The following TXNDC16 variants were observed in gnomAD, a reference collection of about 807,000 sequenced individuals.
TXNDC16 encodes the protein thioredoxin domain containing 16.
TXNDC16 carries 74 observed loss-of-function variants against 85.6 expected under a neutral mutation model. That is an observed-to-expected ratio of 0.86 (90% CI 0.72 to 1.05). The LOEUF (loss-of-function observed/expected upper bound fraction) is 1.05, where lower values mean the gene tolerates loss of function less well. TXNDC16 is among the 50% of genes least tolerant of loss of function. The pLI is 0.00. For synonymous variants in TXNDC16, 335 were observed against 326.5 expected, an observed-to-expected ratio of 1.03 and a Z score of -0.28; for missense variants, 959 against 947.0, an observed-to-expected ratio of 1.01 and a Z score of -0.17.
chr14:52,530,959 ACT>A (rs890493705), intron 6 of TXNDC16, among the ~76,000 whole-genome samples: 13 of 152,070 alleles, frequency 8.5e-5, no homozygotes, highest in African/African-American at 2.9e-4. Flanking sequence ...CTGATGAAGC[ACT>A]GTTACCCAAA....
Position 52,543,611 on chromosome 14 carries a change from T to C in TXNDC16, c.-54A>G. The stretch of plus-strand genomic sequence containing the variant: ...TTTGTCTGTTTTTTCACTGCTGTGT[T>C]CTGTTTCCTAAGACAACACCTGGCA... On this transcript the variant is annotated 5_prime_UTR_variant, in exon 3 of 21. Transcript: ENST00000281741. 2 of 1,594,182 alleles carry C rather than the reference T, an allele frequency of 1.3e-6. No homozygotes were observed. Among genetic ancestry groups the C allele is most frequent in the South Asian group, 1.1e-5 (1 of 87,022 alleles).
intron 1 of TXNDC16, among the ~76,000 whole-genome samples, chr14:52,550,716 C>T (rs1186233966): frequency 6.6e-6 from 1 of 152,174 alleles, no homozygotes; most frequent in Non-Finnish European, 1.5e-5. Flanking sequence ...ATGTGCACCT[C>T]AATGATTATG....
chr14:52,493,543 T>C (rs2036462065), intron 9 of TXNDC16, among the ~76,000 whole-genome samples: 1 of 151,812 alleles, frequency 6.6e-6, no homozygotes, highest in Non-Finnish European at 1.5e-5. Flanking sequence ...AGATGGAAGA[T>C]AGAGAAAAAA....
At position 52,491,021 on chromosome 14, in the gene TXNDC16, A is replaced by G. The variant is rs765814370; in HGVS notation, c.757-16T>C. The G allele has an allele frequency of 1.0e-5, 16 of 1,567,258 alleles. No individual in the cohort carries two copies. The highest frequency in any genetic ancestry group is 1.3e-5 in the Non-Finnish European group (15 of 1,165,380). On this transcript the variant is annotated splice_polypyrimidine_tract_variant and intron_variant, in intron 9 of 20. Transcript: ENST00000281741. ...CAACTTCAGTCTTCATTGAAAAAAAAAAAAAAAAAAGGTGTGATAACAATA... is the reference window on the plus strand; with the variant it reads ...CAACTTCAGTCTTCATTGAAAAAAAGAAAAAAAAAAGGTGTGATAACAATA...
intron 12 of TXNDC16, 25 bp from the exon 13 acceptor site, chr14:52,482,990 T>A: frequency 6.3e-7 from 1 of 1,575,044 alleles, no homozygotes; most frequent in East Asian, 2.2e-5. Flanking sequence ...AAGAAATTAA[T>A]TTAAATATTG....
intron 9 of TXNDC16, among the ~76,000 whole-genome samples, chr14:52,505,451 T>G (rs1395921469): frequency 3.3e-5 from 5 of 152,196 alleles, no homozygotes; most frequent in African/African-American, 1.2e-4. Flanking sequence ...CTGAACAACC[T>G]GCTGCTGAAG....
At chr14:52,522,867 A>G (rs925640376) in intron 6 of TXNDC16, among the ~76,000 whole-genome samples, 1 of 152,192 alleles carries the variant, frequency 6.6e-6, no homozygotes, top group African/African-American at 2.4e-5. Flanking sequence ...TTTCATGGCA[A>G]CCATCTGAAA....
chr14:52,483,417 G>A (rs913464890), intron 12 of TXNDC16, among the ~76,000 whole-genome samples: 4 of 152,164 alleles, frequency 2.6e-5, no homozygotes, highest in Non-Finnish European at 5.9e-5. Flanking sequence ...TACACTGAGA[G>A]ATTATAACAG....
rs1171343126 is a variant in TXNDC16 at position 52,537,042 on chromosome 14, G to A, written c.318-249C>T. Reference sequence around the variant, plus strand: ...AGAAAAAAATAGGAGTCCAAACAAGGATTCCTACCAGTCTCCCCAACTCAC... The same window carrying A: ...AGAAAAAAATAGGAGTCCAAACAAGAATTCCTACCAGTCTCCCCAACTCAC... On this transcript the variant is annotated intron_variant, in intron 5 of 20. Coordinates refer to ENST00000281741, the MANE Select transcript of TXNDC16 (RefSeq NM_020784.3). Among the ~76,000 whole-genome samples the A allele has an allele frequency of 2.7e-4, 40 of 148,366 alleles. 1 individual carries two copies. The highest frequency in any genetic ancestry group is 3.0e-5 in the Non-Finnish European group (2 of 67,618).
rs182154638 is a variant in TXNDC16 at position 52,530,744 on chromosome 14, T to G, written c.392+5975A>C. Among the ~76,000 whole-genome samples the G allele has an allele frequency of 2.1e-3, 313 of 146,068 alleles. 2 individuals are homozygous for G. Among genetic ancestry groups the G allele is most frequent in the African/African-American group, 7.7e-3 (303 of 39,476 alleles). ...AAGAACACATCAGTATATGTCTGTATACGTCAGTATGTCTCTGTGTATTAG... is the reference window on the plus strand; with the variant it reads ...AAGAACACATCAGTATATGTCTGTAGACGTCAGTATGTCTCTGTGTATTAG... On this transcript the variant is annotated intron_variant, in intron 6 of 20. Coordinates refer to ENST00000281741, the MANE Select transcript of TXNDC16 (RefSeq NM_020784.3).
chr14:52,461,287 C>T (rs994305152), intron 16 of TXNDC16, among the ~76,000 whole-genome samples: 5 of 151,542 alleles, frequency 3.3e-5, no homozygotes, highest in Non-Finnish European at 7.4e-5. Context: ...TGTTTTATAT[C>T]AATATTTGTA....
chr14:52,544,053 T>C (rs1274966861), intron 2 of TXNDC16, among the ~76,000 whole-genome samples: 2 of 152,160 alleles, frequency 1.3e-5, no homozygotes, highest in African/African-American at 4.8e-5. Flanking sequence ...ATGTTTACTT[T>C]TACTTTAAAT....
At chr14:52,492,240 C>T (rs914808883) in intron 9 of TXNDC16, among the ~76,000 whole-genome samples, 3 of 152,150 alleles carry the variant, frequency 2.0e-5, no homozygotes, top group Non-Finnish European at 2.9e-5. Flanking sequence ...CCACTCAGTT[C>T]CCAGAATGCC....
chr14:52,477,006 T>C (rs973521695), intron 14 of TXNDC16, among the ~76,000 whole-genome samples: 4 of 152,152 alleles, frequency 2.6e-5, no homozygotes, highest in African/African-American at 7.2e-5. Flanking sequence ...CTAGAAAGGA[T>C]TGGGGCCCTA....
At chr14:52,495,865 T>A (rs1048619975) in intron 9 of TXNDC16, among the ~76,000 whole-genome samples, 1 of 152,032 alleles carries the variant, frequency 6.6e-6, no homozygotes, top group Non-Finnish European at 1.5e-5. Context: ...ACCTGTGAAC[T>A]AAAGAGACAG....
rs980477229 is a variant in TXNDC16 at position 52,431,337 on chromosome 14, T to C, written c.*967A>G. Reference sequence around the variant, plus strand: ...ATCTGAAATTTAGCCATATAACTTGTAGAAATAAGAGGAGGTTTTAAGACT... The same window carrying C: ...ATCTGAAATTTAGCCATATAACTTGCAGAAATAAGAGGAGGTTTTAAGACT... On this transcript the variant is annotated 3_prime_UTR_variant, in exon 21 of 21. Transcript: ENST00000281741. 2.0e-5 allele frequency: 3 copies of C among 152,212 alleles called. No homozygotes were observed. Among genetic ancestry groups the C allele is most frequent in the African/African-American group, 4.8e-5 (2 of 41,464 alleles). 9.4% of individuals were successfully genotyped at this position (152,212 alleles called of 1,614,324 possible).
chr14:52,503,084 T>C (rs2036701029), intron 9 of TXNDC16, among the ~76,000 whole-genome samples: 1 of 152,166 alleles, frequency 6.6e-6, no homozygotes, highest in Non-Finnish European at 1.5e-5. Flanking sequence ...GATGGGAAGC[T>C]CCAACTGGGT....
chr14:52,490,255 GTTAACAGCAAT>G lies in TXNDC16; in HGVS notation c.984+125_984+135del, dbSNP rs1018045823. ...TGACACATGATAAAAACATCAAAAC[GTTAACAGCAAT>G]TTTCTTTGAATAGGAGCAATTTATA... On this transcript the variant is annotated intron_variant, in intron 11 of 20. Transcript: ENST00000281741. 9.5e-6 allele frequency: 5 copies of G among 528,036 alleles called. No individual in the cohort carries two copies. The African/African-American group carries it at 1.0e-4, about 11-fold the overall frequency. The allele number at this position is 528,036 out of a possible 1,614,324, so 32.7% of individuals were successfully genotyped here.
chr14:52,432,746 G>C (rs1361040581), intron 20 of TXNDC16, among the ~76,000 whole-genome samples, 159 bp from the exon 21 acceptor site: 1 of 151,976 alleles, frequency 6.6e-6, no homozygotes, highest in Admixed American at 6.6e-5. Context: ...TACTGTCATT[G>C]TCAACAAGAA....
Sources: gnomAD v4.1 joint callset for allele counts (sites outside exome capture counted in the v4.1 genomes callset) on GRCh38, gnomAD v4.1.1 for gene constraint, MANE v1.5 for transcripts, NCBI Gene and HGNC (gene_info 2026-07-23, HGNC 2026-07-21) for gene names.